The following PLXNA4 variants were observed in gnomAD, a reference collection of about 807,000 sequenced individuals.
The protein encoded by PLXNA4 is plexin-A4.
Under a neutral mutation model 191.8 loss-of-function variants are expected in PLXNA4, and 44 were observed. The observed-to-expected ratio is 0.23, with a 90% CI of 0.18 to 0.29. The LOEUF is 0.29. Among genes scored for constraint, PLXNA4 ranks in the 10% least tolerant of loss-of-function variants. The pLI, the probability that PLXNA4 is intolerant of heterozygous loss-of-function variation, is 1.00. For missense variants in PLXNA4, 1,800 were observed against 2,488.8 expected, an observed-to-expected ratio of 0.72 and a Z score of 5.89; for synonymous variants, 1,082 against 1,009.5, an observed-to-expected ratio of 1.07 and a Z score of -1.36.
At chr7:132,574,059 G>A (rs1483813513) in intron 1 of PLXNA4, among the ~76,000 whole-genome samples, 1 of 152,228 alleles carries the variant, frequency 6.6e-6, no homozygotes, top group African/African-American at 2.4e-5. Flanking sequence ...ATTAATGCCT[G>A]CCTTGTCCTA....
At chr7:132,378,948 C>A (rs1254575432) in intron 3 of PLXNA4, among the ~76,000 whole-genome samples, 1 of 150,218 alleles carries the variant, frequency 6.7e-6, no homozygotes, top group Non-Finnish European at 1.5e-5. Flanking sequence ...GCCTCCCAGG[C>A]TCAAGCATTC....
intron 3 of PLXNA4, among the ~76,000 whole-genome samples, chr7:132,364,170 TG>T (rs1804061821): frequency 6.6e-6 from 1 of 152,062 alleles, no homozygotes; most frequent in Non-Finnish European, 1.5e-5. Flanking sequence ...GGGCTGGGTA[TG>T]GGGAGGGAAC....
chr7:132,297,426 C>T (rs1277804235), intron 4 of PLXNA4, among the ~76,000 whole-genome samples: 1 of 152,154 alleles, frequency 6.6e-6, no homozygotes, highest in Non-Finnish European at 1.5e-5. Context: ...GACTCCTGGC[C>T]TGAGCTCAGG....
At chr7:132,526,381 G>A (rs540948607) in intron 1 of PLXNA4, among the ~76,000 whole-genome samples, 4 of 152,196 alleles carry the variant, frequency 2.6e-5, no homozygotes, top group Non-Finnish European at 5.9e-5. Flanking sequence ...GCACAGATGA[G>A]AGAGGTCACA....
chr7:132,430,636 G>T (rs1425903897), intron 3 of PLXNA4, among the ~76,000 whole-genome samples: 1 of 152,214 alleles, frequency 6.6e-6, no homozygotes, highest in African/African-American at 2.4e-5. Context: ...CATAGCTGAG[G>T]TTGCAGTCTT....
chr7:132,324,220 G>A (rs1802277477), intron 3 of PLXNA4, among the ~76,000 whole-genome samples: 1 of 152,166 alleles, frequency 6.6e-6, no homozygotes, highest in African/African-American at 2.4e-5. Flanking sequence ...AGGAGTGAAG[G>A]GAGAATGGGA....
chr7:132,429,527 T>A (rs1331611059), intron 3 of PLXNA4, among the ~76,000 whole-genome samples: 1 of 152,226 alleles, frequency 6.6e-6, no homozygotes, highest in Non-Finnish European at 1.5e-5. Context: ...CTAGCAAAAC[T>A]GTATTTGCAG....
At position 132,539,387 on chromosome 7, in the gene PLXNA4, CAA is replaced by C. The variant is rs74739688; in HGVS notation, c.-86-30610_-86-30609del. 4.8e-3 allele frequency among the ~76,000 whole-genome samples: 730 copies of C among 152,334 alleles called. 4 individuals carry two copies. The highest frequency in any genetic ancestry group is 8.0e-3 in the Admixed American group (122 of 15,304). ...TTGGAGGGCTCCAGTCAGTGGTTCT[CAA>C]GTTGCAATTGGTCCCCAGAGCAGCA... On this transcript the variant is annotated intron_variant, in intron 1 of 31. Coordinates refer to ENST00000321063, the MANE Select transcript of PLXNA4 (RefSeq NM_020911.2).
At chr7:132,438,724 T>C (rs189525321) in intron 3 of PLXNA4, among the ~76,000 whole-genome samples, 1 of 152,238 alleles carries the variant, frequency 6.6e-6, no homozygotes, top group African/African-American at 2.4e-5. Flanking sequence ...CAATAGCTGT[T>C]TTTAAAAATT....
chr7:132,245,284 G>T (rs1799010674), intron 4 of PLXNA4, among the ~76,000 whole-genome samples: 1 of 152,308 alleles, frequency 6.6e-6, no homozygotes, highest in East Asian at 1.9e-4. Flanking sequence ...TTGTCTCAGA[G>T]ACCACAAAAT....
At chr7:132,259,624 T>C (rs1304562747) in intron 4 of PLXNA4, among the ~76,000 whole-genome samples, 2 of 152,008 alleles carry the variant, frequency 1.3e-5, no homozygotes, top group African/African-American at 2.4e-5. Context: ...TTGGTTCTTC[T>C]ATAGTGAGGG....
At chr7:132,352,694 C>T (rs1259247185) in intron 3 of PLXNA4, among the ~76,000 whole-genome samples, 1 of 152,196 alleles carries the variant, frequency 6.6e-6, no homozygotes, top group Non-Finnish European at 1.5e-5. Flanking sequence ...ACCAACTTCT[C>T]AAAGCTGCAG....
chr7:132,321,410 C>T (rs1355955016), intron 3 of PLXNA4, among the ~76,000 whole-genome samples: 1 of 151,182 alleles, frequency 6.6e-6, no homozygotes, highest in East Asian at 2.0e-4. Flanking sequence ...AGGGAGATAC[C>T]AGTGACAACC....
chr7:132,289,696 A>C (rs1037323), intron 4 of PLXNA4, among the ~76,000 whole-genome samples: 99,028 of 151,696 alleles, frequency 0.65, 34,206 homozygotes, highest in African/African-American at 0.88. Context: ...CCACACCTGG[A>C]TAATTTTTAA....
At chr7:132,370,484 G>A (rs951297806) in intron 3 of PLXNA4, among the ~76,000 whole-genome samples, 4 of 152,090 alleles carry the variant, frequency 2.6e-5, no homozygotes, top group African/African-American at 9.7e-5. Flanking sequence ...TCTTAATGCT[G>A]GCAAACAACT....
chr7:132,305,172 G>T (rs117095403), intron 3 of PLXNA4, among the ~76,000 whole-genome samples: 1 of 152,130 alleles, frequency 6.6e-6, no homozygotes, highest in East Asian at 1.9e-4. Context: ...ACACCTAGAC[G>T]GTGGTGGGCA....
At chr7:132,622,813 C>G (rs558339884) in intron 2 of PLXNA4, among the ~76,000 whole-genome samples, 13 of 152,326 alleles carry the variant, frequency 8.5e-5, no homozygotes, top group Non-Finnish European at 1.8e-4. Context: ...AAGCTGCCCT[C>G]GAGCTCAGGG....
intron 2 of PLXNA4, among the ~76,000 whole-genome samples, chr7:132,602,090 C>T (rs1802832088): frequency 6.6e-6 from 1 of 152,222 alleles, no homozygotes; most frequent in African/African-American, 2.4e-5. Context: ...GTTCTAGTGA[C>T]TGCCTGGGCA....
chr7:132,281,058 G>A (rs755336794), intron 4 of PLXNA4, among the ~76,000 whole-genome samples: 105 of 152,248 alleles, frequency 6.9e-4, no homozygotes, highest in Non-Finnish European at 1.1e-3. Flanking sequence ...TTTTACAAAT[G>A]AGTGATACAA....
Sources: allele counts gnomAD v4.1 joint callset (sites outside exome capture counted in the v4.1 genomes callset), GRCh38; gene constraint gnomAD v4.1.1; transcripts MANE v1.5; gene names NCBI Gene and HGNC (gene_info 2026-07-23, HGNC 2026-07-21).